IRAK3: variants seen among roughly 807,000 people sequenced by gnomAD.
IRAK3 encodes the protein interleukin-1 receptor-associated kinase 3.
A neutral mutation model predicts 56.6 loss-of-function variants in IRAK3; 57 were observed. The ratio of observed to expected loss-of-function variants is 1.01; its 90% CI spans 0.81 to 1.26. IRAK3 has a LOEUF of 1.26. IRAK3 is among the 50% of genes most tolerant of loss of function. The pLI is 0.00. For synonymous variants in IRAK3, 258 were observed against 255.7 expected, an observed-to-expected ratio of 1.01 and a Z score of -0.09; for missense variants, 703 against 719.0, an observed-to-expected ratio of 0.98 and a Z score of 0.25.
At chr12:66,235,700 G>C (rs753432180) in intron 8 of IRAK3, among the ~76,000 whole-genome samples, 2 of 152,172 alleles carry the variant, frequency 1.3e-5, no homozygotes, top group Non-Finnish European at 2.9e-5. Context: ...AAGTGGAAAA[G>C]ACCAAATTAA....
chr12:66,215,729 G>T (rs1291696136), intron 5 of IRAK3, among the ~76,000 whole-genome samples: 1 of 149,238 alleles, frequency 6.7e-6, no homozygotes, highest in East Asian at 2.0e-4. Flanking sequence ...GTAAATGAAA[G>T]TATGGCCGGA....
rs139702748 is a variant in IRAK3, at chr12:66,199,634, C to T, written c.134-4077C>T. On this transcript the variant is annotated intron_variant, in intron 1 of 11. Coordinates refer to ENST00000261233, the MANE Select transcript of IRAK3 (RefSeq NM_007199.3). ...TGCTGTTCTCATCTTTAGTTAGAGG[C>T]CTGTCTTCATGCTCAAACCACACTT... 1.8e-4 allele frequency among the ~76,000 whole-genome samples: 28 copies of T among 152,288 alleles called. No individual in the cohort carries two copies. The East Asian group carries it at 5.0e-3, about 27-fold the overall frequency.
At chr12:66,194,056 A>G (rs1449015806) in intron 1 of IRAK3, among the ~76,000 whole-genome samples, 1 of 151,998 alleles carries the variant, frequency 6.6e-6, no homozygotes, top group Non-Finnish European at 1.5e-5. Flanking sequence ...AGACTCCCAA[A>G]TAGCTGGGAC....
At position 66,210,200 on chromosome 12, in the gene IRAK3, A is replaced by G. The variant is rs56001649; in HGVS notation, c.435A>G (p.Lys145=). 0.013 allele frequency: 21,213 copies of G among 1,596,312 alleles called. 202 individuals carry two copies. The highest frequency in any genetic ancestry group is 0.016 in the Non-Finnish European group (18,857 of 1,164,726). ...DNVLIPEHNE[K]GILLKSSISF... Reference sequence around the variant, plus strand: ...TTCTTATTCCTGAACATAATGAAAAAGGTATGAAAAAACCAGTTTTTTTCC... The same window carrying G: ...TTCTTATTCCTGAACATAATGAAAAGGGTATGAAAAAACCAGTTTTTTTCC... Residue 145 remains lysine, a splice_region_variant and synonymous_variant, in exon 4 of 12, where the codon AAA becomes AAG. Transcript: ENST00000261233.
chr12:66,219,115 G>A lies in IRAK3; in HGVS notation c.653+1880G>A, dbSNP rs2052706465. Reference sequence around the variant, plus strand: ...CATTCCTCTGTCAATGGACATTTAAGTTGTGTCTATGTCTTGGTTACTGTG... The same window carrying A: ...CATTCCTCTGTCAATGGACATTTAAATTGTGTCTATGTCTTGGTTACTGTG... On this transcript the variant is annotated intron_variant, in intron 6 of 11. Transcript: ENST00000261233. 4.6e-5 allele frequency among the ~76,000 whole-genome samples: 7 copies of A among 152,094 alleles called. No homozygotes were observed. The South Asian group carries it at 1.0e-3, about 23-fold the overall frequency.
intron 1 of IRAK3, among the ~76,000 whole-genome samples, chr12:66,193,585 C>T (rs551136405): frequency 2.6e-5 from 4 of 151,556 alleles, no homozygotes; most frequent in South Asian, 2.1e-4. Context: ...TTGTCGTATC[C>T]TCTGGCTCTT....
chr12:66,208,351 A>G (rs7398158), intron 2 of IRAK3, among the ~76,000 whole-genome samples: 13,293 of 151,612 alleles, frequency 0.088, 792 homozygotes, highest in Admixed American at 0.12. Context: ...ACAAACACAC[A>G]CACACGCACA....
intron 5 of IRAK3, among the ~76,000 whole-genome samples, chr12:66,216,312 G>C (rs2052676439): frequency 6.6e-6 from 1 of 152,110 alleles, no homozygotes; most frequent in South Asian, 2.1e-4. Flanking sequence ...CTGATAAAAT[G>C]GTCCTTGAAA....
chr12:66,190,596 G>A (rs943539658), intron 1 of IRAK3, among the ~76,000 whole-genome samples: 10 of 152,202 alleles, frequency 6.6e-5, no homozygotes, highest in African/African-American at 2.4e-4. Context: ...GGCCAGGTGG[G>A]TGTGGTAAAT....
At chr12:66,210,334 T>C (rs2052599614) in intron 4 of IRAK3, 133 bp downstream of exon 4, 4 of 635,548 alleles carry the variant, frequency 6.3e-6, no homozygotes, top group South Asian at 1.9e-5. Context: ...TTCATAGATA[T>C]TAAAATAACT....
chr12:66,196,113 A>G (rs886280952), intron 1 of IRAK3, among the ~76,000 whole-genome samples: 5 of 152,054 alleles, frequency 3.3e-5, no homozygotes, highest in Admixed American at 2.0e-4. Flanking sequence ...ATGTAAACAT[A>G]TATATGTTTA....
intron 6 of IRAK3, among the ~76,000 whole-genome samples, chr12:66,222,133 C>T (rs765811927): frequency 2.0e-5 from 3 of 152,084 alleles, no homozygotes; most frequent in African/African-American, 7.2e-5. Context: ...TGGCATATAA[C>T]GTTTTCTCAT....
chr12:66,208,344 A>AACAC (rs944925616), intron 2 of IRAK3, among the ~76,000 whole-genome samples: 1 of 115,220 alleles, frequency 8.7e-6, no homozygotes, highest in East Asian at 5.3e-4. Context: ...CACACACACA[A>AACAC]ACACACACAC....
intron 1 of IRAK3, among the ~76,000 whole-genome samples, chr12:66,193,347 T>C (rs890381186): frequency 3.3e-5 from 5 of 152,148 alleles, no homozygotes; most frequent in African/African-American, 1.2e-4. Context: ...TTTAAATTTA[T>C]GGAAAAGTTT....
chr12:66,211,437 C>A lies in IRAK3; in HGVS notation c.437-9C>A, dbSNP rs770711300. The A allele has an allele frequency of 5.1e-6, 8 of 1,579,558 alleles. No individual in the cohort carries two copies. In the South Asian group the frequency reaches 6.7e-5, roughly 13 times the overall value. On this transcript the variant is annotated splice_polypyrimidine_tract_variant and intron_variant, in intron 4 of 11. Coordinates refer to ENST00000261233, the MANE Select transcript of IRAK3 (RefSeq NM_007199.3). ...GCTAACTTATCTTCCCCCTACTTTCCTTCCTAAGGAATACTGCTTAAATCT... is the reference window on the plus strand; with the variant it reads ...GCTAACTTATCTTCCCCCTACTTTCATTCCTAAGGAATACTGCTTAAATCT...
intron 8 of IRAK3, among the ~76,000 whole-genome samples, chr12:66,230,554 C>T (rs536489620): frequency 6.6e-6 from 1 of 152,230 alleles, no homozygotes; most frequent in African/African-American, 2.4e-5. Flanking sequence ...TGAGGCAGCT[C>T]CCTTCTACCA....
chr12:66,227,136 A>T (rs545824249), intron 7 of IRAK3, among the ~76,000 whole-genome samples: 1 of 152,252 alleles, frequency 6.6e-6, no homozygotes, highest in South Asian at 2.1e-4. Context: ...TTGATTCTGT[A>T]CCTCCAGTGA....
At chr12:66,244,439 GT>G in intron 8 of IRAK3, 46 bp from the exon 9 acceptor site, 1 of 1,371,348 alleles carries the variant, frequency 7.3e-7, no homozygotes, top group African/African-American at 1.4e-5. Flanking sequence ...TTACACTGAA[GT>G]GCCTTTATGA....
chr12:66,199,239 G>T (rs1359608713), intron 1 of IRAK3, among the ~76,000 whole-genome samples: 2 of 152,172 alleles, frequency 1.3e-5, no homozygotes, highest in South Asian at 2.1e-4. Flanking sequence ...GTATTAGGTG[G>T]GACTACAAGA....
Sources: gnomAD v4.1 joint callset for allele counts (sites outside exome capture counted in the v4.1 genomes callset) on GRCh38, gnomAD v4.1.1 for gene constraint, MANE v1.5 for transcripts, NCBI Gene and HGNC (gene_info 2026-07-23, HGNC 2026-07-21) for gene names.